PARD3: variants seen among roughly 807,000 people sequenced by gnomAD.
PARD3 encodes par-3 family cell polarity regulator.
PARD3 carries 75 observed loss-of-function variants against 155.4 expected under a neutral mutation model. The ratio of observed to expected loss-of-function variants is 0.48; its 90% CI spans 0.40 to 0.58. The LOEUF (loss-of-function observed/expected upper bound fraction) is 0.58. PARD3 is among the 20% of genes least tolerant of loss of function. The pLI, the probability that PARD3 is intolerant of heterozygous loss-of-function variation, is 0.00. For missense variants in PARD3, 1,642 were observed against 1,721.7 expected (o/e 0.95, Z 0.82); for synonymous variants, 576 against 610.5 (o/e 0.94, Z 0.83).
rs117470648 is a variant in PARD3 at position 34,770,639 on chromosome 10, G to A, written c.120+44237C>T. Among the ~76,000 whole-genome samples, 22 of 152,288 alleles carry A rather than the reference G, an allele frequency of 1.4e-4. 1 individual carries two copies. The East Asian group carries it at 4.1e-3, about 28-fold the overall frequency. On this transcript the variant is annotated intron_variant, in intron 1 of 24. Coordinates refer to ENST00000374788, the MANE Select transcript of PARD3 (RefSeq NM_001184785.2). ...CTAGCCTTGCAGTCAAGACTCACCT[G>A]CCACTTACAAGGTATGTGGCCTTGG...
chr10:34,307,316 C>T (rs1412235403), intron 20 of PARD3, among the ~76,000 whole-genome samples: 1 of 152,054 alleles, frequency 6.6e-6, no homozygotes, highest in African/African-American at 2.4e-5. Context: ...GTGGAGATGC[C>T]ACAGTGGGGA....
chr10:34,795,872 C>T (rs1303441097), intron 1 of PARD3, among the ~76,000 whole-genome samples: 1 of 151,938 alleles, frequency 6.6e-6, no homozygotes, highest in Non-Finnish European at 1.5e-5. Context: ...CCAGCCTGGG[C>T]AACAAGAGTG....
intron 22 of PARD3, among the ~76,000 whole-genome samples, chr10:34,252,432 C>T (rs1320488367): frequency 6.6e-6 from 1 of 152,146 alleles, no homozygotes; most frequent in East Asian, 1.9e-4. Context: ...CCTTGGAAGC[C>T]ACACAGGCAA....
chr10:34,248,878 T>TCA (rs1954123248), intron 22 of PARD3, among the ~76,000 whole-genome samples: 1 of 152,220 alleles, frequency 6.6e-6, no homozygotes. Context: ...GAAAGCACTA[T>TCA]CAATAAATAT....
rs778375133 is a variant in PARD3 at position 34,312,308 on chromosome 10, T to G, written c.3065+4799A>C. The G allele has an allele frequency of 1.9e-6, 3 of 1,608,310 alleles. No individual in the cohort carries two copies. The South Asian group carries it at 3.3e-5, about 18-fold the overall frequency. ...GTTTGTTTAAAAAAAACAACAACTG[T>G]GCAATATGTGCTGTTCAAGACATGT... On this transcript the variant is annotated intron_variant, in intron 20 of 24. Coordinates refer to ENST00000374788, the MANE Select transcript of PARD3 (RefSeq NM_001184785.2).
intron 22 of PARD3, among the ~76,000 whole-genome samples, chr10:34,251,903 T>C (rs985343226): frequency 2.0e-5 from 3 of 152,156 alleles, no homozygotes; most frequent in African/African-American, 4.8e-5. Context: ...CCTTAATTTA[T>C]TGAACATATT....
At chr10:34,555,193 G>C (rs1204543116) in intron 2 of PARD3, among the ~76,000 whole-genome samples, 4 of 152,156 alleles carry the variant, frequency 2.6e-5, no homozygotes, top group Non-Finnish European at 5.9e-5. Flanking sequence ...TTGTTAATGA[G>C]GAGGCTATGC....
intron 20 of PARD3, among the ~76,000 whole-genome samples, chr10:34,291,452 T>C (rs1372953167): frequency 6.6e-6 from 1 of 152,266 alleles, no homozygotes; most frequent in African/African-American, 2.4e-5. Flanking sequence ...TTGAATGTTC[T>C]TTTGATTATT....
chr10:34,198,756 G>A (rs1195429223), intron 22 of PARD3, among the ~76,000 whole-genome samples: 1 of 152,068 alleles, frequency 6.6e-6, no homozygotes. Flanking sequence ...CAACCCCTTA[G>A]AAAGGTGTCA....
At chr10:34,742,080 C>A (rs2095028961) in intron 1 of PARD3, among the ~76,000 whole-genome samples, 1 of 152,148 alleles carries the variant, frequency 6.6e-6, no homozygotes, top group Admixed American at 6.5e-5. Flanking sequence ...GTCTCAATCT[C>A]CCCAGCACAA....
At chr10:34,165,678 A>G (rs943902049) in intron 22 of PARD3, among the ~76,000 whole-genome samples, 5 of 152,130 alleles carry the variant, frequency 3.3e-5, no homozygotes, top group African/African-American at 9.7e-5. Flanking sequence ...TGGTCTTCAC[A>G]TTTCTTGCAG....
intron 22 of PARD3, among the ~76,000 whole-genome samples, chr10:34,215,072 A>G (rs1017962673): frequency 6.6e-6 from 1 of 152,248 alleles, no homozygotes; most frequent in African/African-American, 2.4e-5. Flanking sequence ...ACCAATTAAA[A>G]TTGCATTAAA....
chr10:34,574,782 C>T (rs1228650713), intron 2 of PARD3, among the ~76,000 whole-genome samples: 1 of 152,166 alleles, frequency 6.6e-6, no homozygotes, highest in African/African-American at 2.4e-5. Flanking sequence ...AAAGAACAAT[C>T]ATAAGCCTGG....
chr10:34,149,730 C>G (rs760528574), intron 22 of PARD3, among the ~76,000 whole-genome samples: 4 of 152,100 alleles, frequency 2.6e-5, no homozygotes, highest in Non-Finnish European at 5.9e-5. Flanking sequence ...TTATCTATTA[C>G]AAGTATGTAT....
chr10:34,519,820 A>AAATAACATAACATAAC (rs1554884055), intron 2 of PARD3, among the ~76,000 whole-genome samples: 3 of 133,852 alleles, frequency 2.2e-5, no homozygotes, highest in African/African-American at 8.5e-5. Flanking sequence ...TCTCAAAATA[A>AAATAACATAACATAAC]ATAACATAAC....
intron 3 of PARD3, among the ~76,000 whole-genome samples, chr10:34,482,146 T>A (rs1018795322): frequency 1.5e-5 from 2 of 136,970 alleles, no homozygotes; most frequent in African/African-American, 5.7e-5. Context: ...GGAATCCTCC[T>A]GCCTCAGCCT....
chr10:34,165,068 T>C (rs1949463336), intron 22 of PARD3, among the ~76,000 whole-genome samples: 1 of 152,002 alleles, frequency 6.6e-6, no homozygotes, highest in South Asian at 2.1e-4. Flanking sequence ...TAACATTTCA[T>C]TATCTTCTAA....
chr10:34,424,056 A>G (rs923292750), intron 5 of PARD3, among the ~76,000 whole-genome samples: 3 of 152,228 alleles, frequency 2.0e-5, no homozygotes, highest in Non-Finnish European at 4.4e-5. Flanking sequence ...TTTTAAGGTC[A>G]TAAATATTTC....
intron 15 of PARD3, 101 bp from the exon 16 acceptor site, chr10:34,341,917 C>A (rs1480269032): frequency 2.9e-6 from 2 of 680,940 alleles, no homozygotes; most frequent in Non-Finnish European, 4.9e-6. Flanking sequence ...GTCTAATTTT[C>A]CACATATCTG....
Sources: gnomAD v4.1 joint callset for allele counts (sites outside exome capture counted in the v4.1 genomes callset) on GRCh38, gnomAD v4.1.1 for gene constraint, MANE v1.5 for transcripts, NCBI Gene and HGNC (gene_info 2026-07-23, HGNC 2026-07-21) for gene names.